The following DPP6 variants were observed in gnomAD, a reference collection of about 807,000 sequenced individuals.
DPP6 encodes the protein dipeptidyl peptidase like 6, also known as A-type potassium channel modulatory protein DPP6.
In DPP6, 69 loss-of-function variants were observed where a neutral mutation model predicts 122.6. That is an observed-to-expected ratio of 0.56 (90% CI 0.46 to 0.69). DPP6 has a LOEUF of 0.69. DPP6 is among the 30% of genes least tolerant of loss of function. The pLI is 0.00. For synonymous variants in DPP6, 418 were observed against 433.1 expected (o/e 0.97, Z 0.43); for missense variants, 928 against 1,116.9 (o/e 0.83, Z 2.41).
At chr7:154,197,660 G>A (rs7785119) in intron 1 of DPP6, among the ~76,000 whole-genome samples, 9,047 of 152,200 alleles carry the variant, frequency 0.059, 504 homozygotes, top group African/African-American at 0.15. Flanking sequence ...AACTCAGTCA[G>A]CTTTATCTAT....
chr7:154,509,856 C>A (rs950465428), intron 3 of DPP6, among the ~76,000 whole-genome samples: 3 of 151,902 alleles, frequency 2.0e-5, no homozygotes, highest in African/African-American at 4.8e-5. Flanking sequence ...TACATGATTC[C>A]TTTTATATGA....
rs1471144584 is a variant in DPP6, at chr7:154,007,143, G to A, written c.51+119409G>A. ...GGACTGTGAGTGGTGCCCCAGTGTTGGGATAGGGACCAGATGACTGCAGAG... is the reference window on the plus strand; with the variant it reads ...GGACTGTGAGTGGTGCCCCAGTGTTAGGATAGGGACCAGATGACTGCAGAG... On this transcript the variant is annotated intron_variant, in intron 1 of 25. Transcript: ENST00000404039. Among the ~76,000 whole-genome samples, 4 of 152,270 alleles carry A rather than the reference G, an allele frequency of 2.6e-5. No individual in the cohort carries two copies. The South Asian group carries it at 6.2e-4, about 24-fold the overall frequency.
intron 21 of DPP6, chr7:154,883,833 G>C (rs1225715957): frequency 7.8e-6 from 1 of 127,470 alleles, no homozygotes; most frequent in Admixed American, 7.9e-5. Flanking sequence ...ACATACACCT[G>C]CTCACCCATA....
chr7:154,132,229 A>C (rs1458997849), intron 1 of DPP6, among the ~76,000 whole-genome samples: 1 of 152,186 alleles, frequency 6.6e-6, no homozygotes, highest in Non-Finnish European at 1.5e-5. Context: ...TGCTGGTTTT[A>C]CTGCTGGCTT....
chr7:154,036,048 A>T (rs2373730), intron 1 of DPP6, among the ~76,000 whole-genome samples: 1 of 147,644 alleles, frequency 6.8e-6, no homozygotes, highest in Admixed American at 6.9e-5. Flanking sequence ...GTGTGTGTGT[A>T]TGTGAAAATA....
Position 154,141,295 on chromosome 7 carries a change from G to C in DPP6, c.243+88232G>C, listed in dbSNP as rs567524254. Among the ~76,000 whole-genome samples the C allele has an allele frequency of 3.9e-5, 6 of 152,328 alleles. No homozygotes were observed. The South Asian group carries it at 1.2e-3, about 32-fold the overall frequency. On this transcript the variant is annotated intron_variant, in intron 1 of 25. Coordinates refer to ENST00000377770, the MANE Select transcript of DPP6 (RefSeq NM_130797.4). ...TAAACTTTTCAGTTAAGAAAATACA[G>C]CTTGTTGCAAAAACACCATATGCAC...
rs4726429 is a variant in DPP6 at position 154,545,501 on chromosome 7, T to A, written c.552+4875T>A. 3.4e-3 allele frequency among the ~76,000 whole-genome samples: 418 copies of A among 122,868 alleles called. 4 individuals are homozygous for A. Among genetic ancestry groups the A allele is most frequent in the African/African-American group, 0.012 (398 of 34,602 alleles). The allele number at this position is 122,868 out of a possible 152,430, so 80.6% of individuals were successfully genotyped here. A position where few individuals can be genotyped will look rare whatever the true frequency, so the allele number is the denominator to read the frequency against. On this transcript the variant is annotated intron_variant, in intron 4 of 25. Transcript: ENST00000377770. Reference sequence around the variant, plus strand: ...CTTCCTTCCTTCCTTCCTTCCATCCTTCCTTCCTTCCTTCCTTCCTTCCTT... The same window carrying A: ...CTTCCTTCCTTCCTTCCTTCCATCCATCCTTCCTTCCTTCCTTCCTTCCTT...
chr7:154,257,325 C>G, intron 1 of DPP6, among the ~76,000 whole-genome samples: 1 of 152,028 alleles, frequency 6.6e-6, no homozygotes. Context: ...CACACCCTCC[C>G]CATCAGCATC....
intron 1 of DPP6, chr7:154,058,759 C>G (rs192764416): frequency 6.6e-6 from 1 of 151,004 alleles, no homozygotes; most frequent in Non-Finnish European, 1.5e-5. Context: ...CCTCTTCCCC[C>G]CCGGCTCTGA....
At chr7:153,975,555 A>AC (rs1312944434) in intron 1 of DPP6, among the ~76,000 whole-genome samples, 3 of 149,330 alleles carry the variant, frequency 2.0e-5, no homozygotes, top group Admixed American at 6.6e-5. Context: ...TCTAAAAAAA[A>AC]AAAAGAAAAT....
chr7:153,998,776 G>A lies in DPP6; in HGVS notation c.51+111042G>A, dbSNP rs538160347. On this transcript the variant is annotated intron_variant, in intron 1 of 25. Transcript: ENST00000404039. Reference sequence around the variant, plus strand: ...TGGTGTTTATAGAATTGGCTACTCTGACTGTTAGCACTGTGAAGACATGAG... The same window carrying A: ...TGGTGTTTATAGAATTGGCTACTCTAACTGTTAGCACTGTGAAGACATGAG... Among the ~76,000 whole-genome samples the A allele has an allele frequency of 1.9e-4, 29 of 152,290 alleles. No homozygotes were observed. In the South Asian group the frequency reaches 5.8e-3, roughly 31 times the overall value.
At chr7:154,041,025 A>C (rs568205806) in intron 1 of DPP6, among the ~76,000 whole-genome samples, 2 of 152,158 alleles carry the variant, frequency 1.3e-5, no homozygotes, top group Admixed American at 1.3e-4. Flanking sequence ...GATAAACATA[A>C]GAGTGTTATT....
chr7:154,490,106 C>T (rs1199672368), intron 3 of DPP6, among the ~76,000 whole-genome samples: 1 of 152,152 alleles, frequency 6.6e-6, no homozygotes, highest in Non-Finnish European at 1.5e-5. Context: ...TACCTTAGGC[C>T]ACACAGCTAA....
rs1430789211 is a variant in DPP6 at position 154,894,135 on chromosome 7, T to C, written c.*1655T>C. Reference sequence around the variant, plus strand: ...GACCGATCCGAGTGCTACATGACTGTGCGTTTGCTATTTCAATGGGCCTGA... The same window carrying C: ...GACCGATCCGAGTGCTACATGACTGCGCGTTTGCTATTTCAATGGGCCTGA... On this transcript the variant is annotated 3_prime_UTR_variant, in exon 26 of 26. Transcript: ENST00000377770. The C allele has an allele frequency of 6.6e-6, 1 of 152,226 alleles. No homozygotes were observed. The highest frequency in any genetic ancestry group is 2.4e-5 in the African/African-American group (1 of 41,458). 9.4% of individuals were successfully genotyped at this position (152,226 alleles called of 1,614,324 possible). A position where few individuals can be genotyped will look rare whatever the true frequency, so the allele number is the denominator to read the frequency against.
intron 6 of DPP6, among the ~76,000 whole-genome samples, chr7:154,668,197 T>TTATATATATATATATA (rs10668895): frequency 0.023 from 828 of 36,462 alleles, 132 homozygotes; most frequent in Non-Finnish European, 0.048. Context: ...TGTGTATATT[T>TTATATATATATATATA]TATATATATA....
intron 1 of DPP6, among the ~76,000 whole-genome samples, chr7:154,314,900 G>A (rs763173241): frequency 1.3e-5 from 2 of 152,196 alleles, no homozygotes; most frequent in Admixed American, 6.5e-5. Context: ...TCGCCTGGAG[G>A]TCAGTTAAGA....
At chr7:154,718,829 A>G (rs1841641466) in intron 7 of DPP6, among the ~76,000 whole-genome samples, 1 of 151,910 alleles carries the variant, frequency 6.6e-6, no homozygotes, top group Non-Finnish European at 1.5e-5. Flanking sequence ...TAGTAGAGAC[A>G]GGTTTTCACT....
In DPP6 at chr7:154,741,603, T is replaced by C. The variant is rs79130451; in HGVS notation, c.883+13716T>C. On this transcript the variant is annotated intron_variant, in intron 8 of 25. Transcript: ENST00000377770. Reference sequence around the variant, plus strand: ...GTGTGGACACCATGCCTATAAAGTATTGGGATTTTTAATGAATGTTAACCA... The same window carrying C: ...GTGTGGACACCATGCCTATAAAGTACTGGGATTTTTAATGAATGTTAACCA... Among the ~76,000 whole-genome samples, 8 of 152,356 alleles carry C rather than the reference T, an allele frequency of 5.3e-5. No homozygotes were observed. The East Asian group carries it at 1.2e-3, about 22-fold the overall frequency.
At chr7:154,152,366 G>A (rs1008366986) in intron 1 of DPP6, among the ~76,000 whole-genome samples, 2 of 152,174 alleles carry the variant, frequency 1.3e-5, no homozygotes, top group African/African-American at 4.8e-5. Context: ...CCATCAGGAT[G>A]GAGAGAGCAG....
Sources: allele counts gnomAD v4.1 joint callset (sites outside exome capture counted in the v4.1 genomes callset), GRCh38; gene constraint gnomAD v4.1.1; transcripts MANE v1.5; gene names NCBI Gene and HGNC (gene_info 2026-07-23, HGNC 2026-07-21).